The following FRMD4A variants were observed in gnomAD, a reference collection of about 807,000 sequenced individuals.
FRMD4A encodes FERM domain containing 4A.
Under a neutral mutation model 129.1 loss-of-function variants are expected in FRMD4A, and 29 were observed. The ratio of observed to expected loss-of-function variants is 0.22; its 90% CI spans 0.17 to 0.31. The LOEUF (loss-of-function observed/expected upper bound fraction) is 0.31. Ranked by LOEUF, FRMD4A falls within the 10% of genes least tolerant of loss-of-function variation. FRMD4A has a pLI of 1.00. For synonymous variants in FRMD4A, 634 were observed against 571.6 expected (o/e 1.11, Z -1.56); for missense variants, 1,272 against 1,375.8 (o/e 0.92, Z 1.19).
chr10:14,205,064 T>A (rs1295428462), intron 2 of FRMD4A, among the ~76,000 whole-genome samples: 1 of 44,352 alleles, frequency 2.3e-5, no homozygotes, highest in East Asian at 8.9e-4. Flanking sequence ...TTTCTTTCTT[T>A]TTTTTTTTTT....
intron 3 of FRMD4A, among the ~76,000 whole-genome samples, chr10:13,829,634 G>C (rs977526018): frequency 6.6e-6 from 1 of 152,202 alleles, no homozygotes; most frequent in East Asian, 1.9e-4. Flanking sequence ...CCTAATGCTA[G>C]GGATGCCTTC....
chr10:13,652,237 C>G, intron 23 of FRMD4A: 1 of 515,310 alleles, frequency 1.9e-6, no homozygotes, highest in Non-Finnish European at 3.5e-6. Flanking sequence ...CAGTTTATGC[C>G]AAGAACCAAA....
intron 3 of FRMD4A, 47 bp downstream of exon 3, chr10:13,858,800 A>T: frequency 9.4e-7 from 1 of 1,064,556 alleles, no homozygotes; most frequent in Non-Finnish European, 1.5e-6. Context: ...GTCTGAAACC[A>T]CATCAGTCAC....
chr10:13,748,489 G>A (rs564658729), intron 8 of FRMD4A, among the ~76,000 whole-genome samples: 1 of 152,190 alleles, frequency 6.6e-6, no homozygotes, highest in African/African-American at 2.4e-5. Context: ...GAAATCCAAA[G>A]TGCTCAAATG....
intron 2 of FRMD4A, among the ~76,000 whole-genome samples, chr10:14,064,564 G>A (rs1834965016): frequency 6.6e-6 from 1 of 152,152 alleles, no homozygotes; most frequent in Non-Finnish European, 1.5e-5. Context: ...CTTCAGCAGT[G>A]TATTCTGCTT....
Position 13,849,907 on chromosome 10 carries a change from T to C in FRMD4A, c.111+8940A>G, listed in dbSNP as rs190603109. Among the ~76,000 whole-genome samples, 477 of 151,704 alleles carry C rather than the reference T, an allele frequency of 3.1e-3. 4 individuals are homozygous for C. Among genetic ancestry groups the C allele is most frequent in the African/African-American group, 9.6e-3 (397 of 41,426 alleles). On this transcript the variant is annotated intron_variant, in intron 3 of 24. Coordinates refer to ENST00000357447, the MANE Select transcript of FRMD4A (RefSeq NM_018027.5). ...AGTTTAGGCCGGGCGCAGTGGCTCATACCTGTAATCCCAGCATTTGGGAGG... is the reference window on the plus strand; with the variant it reads ...AGTTTAGGCCGGGCGCAGTGGCTCACACCTGTAATCCCAGCATTTGGGAGG...
intron 2 of FRMD4A, among the ~76,000 whole-genome samples, chr10:14,244,592 T>C (rs1278989456): frequency 6.6e-6 from 1 of 152,230 alleles, no homozygotes; most frequent in Non-Finnish European, 1.5e-5. Context: ...TGTTACCATG[T>C]TTTAGCCTAG....
chr10:13,759,444 A>G (rs1307676123), intron 8 of FRMD4A, among the ~76,000 whole-genome samples: 2 of 152,216 alleles, frequency 1.3e-5, no homozygotes, highest in African/African-American at 4.8e-5. Flanking sequence ...TGCTATTCCC[A>G]GTTCACATTC....
At chr10:13,732,667 C>T (rs181373269) in intron 12 of FRMD4A, among the ~76,000 whole-genome samples, 2 of 152,244 alleles carry the variant, frequency 1.3e-5, no homozygotes, top group Admixed American at 6.5e-5. Flanking sequence ...CTGGGTGTCA[C>T]TCCCTTGCCT....
chr10:14,312,467 T>C (rs111732773), intron 2 of FRMD4A, among the ~76,000 whole-genome samples: 2,404 of 152,324 alleles, frequency 0.016, 32 homozygotes, highest in African/African-American at 0.026. Flanking sequence ...TAAAATGATA[T>C]ACCTTTGATC....
At chr10:14,308,418 G>T (rs963264117) in intron 2 of FRMD4A, among the ~76,000 whole-genome samples, 2 of 151,956 alleles carry the variant, frequency 1.3e-5, no homozygotes, top group Admixed American at 6.6e-5. Context: ...TTTCTTGAGG[G>T]AAGTAGTGAG....
intron 2 of FRMD4A, among the ~76,000 whole-genome samples, chr10:13,984,262 TC>T (rs2095573254): frequency 6.6e-6 from 1 of 152,112 alleles, no homozygotes; most frequent in Non-Finnish European, 1.5e-5. Context: ...GGGTGAAGTT[TC>T]CCCTTGTGGC....
At chr10:13,789,828 A>G (rs1424536383) in intron 5 of FRMD4A, among the ~76,000 whole-genome samples, 1 of 137,060 alleles carries the variant, frequency 7.3e-6, no homozygotes, top group Non-Finnish European at 1.6e-5. Flanking sequence ...GAGTGGGAAG[A>G]GGTGAGGCTG....
At chr10:14,096,232 T>C (rs74122469) in intron 2 of FRMD4A, among the ~76,000 whole-genome samples, 3,237 of 152,318 alleles carry the variant, frequency 0.021, 107 homozygotes, top group African/African-American at 0.074. Context: ...CCTTCTGTCA[T>C]GTGAGGGCAC....
chr10:13,663,462 G>T lies in FRMD4A; in HGVS notation c.1651C>A (p.Leu551Ile). Reference sequence around the variant, plus strand: ...AAATGCATAAACCTACCATCCTCAAGAACAAGGGCATCTGAGAGGGAGCTG... The same window carrying T: ...AAATGCATAAACCTACCATCCTCAATAACAAGGGCATCTGAGAGGGAGCTG... ...EDSSLSDALV[L>I]EDEDSQVTST... The change falls in exon 19 of 25, where the codon CTT becomes ATT. Residue 551 changes from leucine (L) to isoleucine (I), a missense_variant. This residue lies in a region of FRMD4A where 972 missense variants were observed against 892.3 expected (regional missense o/e 1.09). Transcript: ENST00000357447. The T allele has an allele frequency of 6.5e-7, 1 of 1,531,688 alleles. No individual in the cohort carries two copies. Among genetic ancestry groups the T allele is most frequent in the Non-Finnish European group, 9.1e-7 (1 of 1,104,624 alleles). 94.9% of individuals were successfully genotyped at this position (1,531,688 alleles called of 1,614,324 possible).
intron 2 of FRMD4A, among the ~76,000 whole-genome samples, chr10:14,165,361 A>G (rs755258751): frequency 6.6e-6 from 1 of 152,206 alleles, no homozygotes; most frequent in Non-Finnish European, 1.5e-5. Flanking sequence ...CCAAAACATA[A>G]CAGATGCTGG....
chr10:14,098,257 A>G (rs1437781890), intron 2 of FRMD4A, among the ~76,000 whole-genome samples: 2 of 151,106 alleles, frequency 1.3e-5, no homozygotes, highest in African/African-American at 4.9e-5. Context: ...CTGCTCTAGT[A>G]AATCCATTCC....
intron 2 of FRMD4A, among the ~76,000 whole-genome samples, chr10:13,975,622 T>C (rs2095539669): frequency 6.6e-6 from 1 of 152,034 alleles, no homozygotes; most frequent in Non-Finnish European, 1.5e-5. Context: ...TCTATGTGTG[T>C]GTCTATCCAT....
intron 15 of FRMD4A, among the ~76,000 whole-genome samples, chr10:13,679,659 C>T (rs2134752394): frequency 6.6e-6 from 1 of 151,566 alleles, no homozygotes; most frequent in East Asian, 1.9e-4. Flanking sequence ...TCCCCGTGAA[C>T]CTGCTGCATG....
Sources: gnomAD v4.1 joint callset for allele counts (sites outside exome capture counted in the v4.1 genomes callset) on GRCh38, gnomAD v4.1.1 for gene constraint, gnomAD v4.1.1 regional missense constraint, MANE v1.5 for transcripts, NCBI Gene and HGNC (gene_info 2026-07-23, HGNC 2026-07-21) for gene names.